PCDHGA8: variants seen among roughly 807,000 people sequenced by gnomAD.
PCDHGA8 encodes protocadherin gamma subfamily A, 8, also known as protocadherin gamma-A8.
In PCDHGA8, 45 loss-of-function variants were observed where a neutral mutation model predicts 59.2. The observed-to-expected ratio is 0.76, with a 90% CI of 0.60 to 0.98. The LOEUF (loss-of-function observed/expected upper bound fraction) is 0.98. PCDHGA8 is among the 50% of genes least tolerant of loss of function. The pLI is 0.00. For missense variants in PCDHGA8, 1,257 were observed against 1,196.2 expected (o/e 1.05, Z -0.75); for synonymous variants, 531 against 519.0 (o/e 1.02, Z -0.32).
At chr5:141,453,811 A>G (rs541081089) in intron 1 of PCDHGA8, among the ~76,000 whole-genome samples, 1 of 152,350 alleles carries the variant, frequency 6.6e-6, no homozygotes, top group Admixed American at 6.5e-5. Context: ...AGTTCCATAA[A>G]GGACAAACTT....
chr5:141,415,380 C>G (rs759710024), intron 1 of PCDHGA8: 1 of 1,614,250 alleles, frequency 6.2e-7, no homozygotes, highest in South Asian at 1.1e-5. Flanking sequence ...CAGGAGGCGG[C>G]TTGACAGGTG....
chr5:141,414,792 C>T (rs2095788725), intron 1 of PCDHGA8: 6 of 1,614,230 alleles, frequency 3.7e-6, no homozygotes, highest in African/African-American at 2.7e-5. Flanking sequence ...TGACAGCCAG[C>T]GACAGCGGGG....
intron 1 of PCDHGA8, among the ~76,000 whole-genome samples, chr5:141,437,034 C>T (rs1282216386): frequency 1.3e-5 from 2 of 152,194 alleles, no homozygotes. Context: ...AAATGGATCA[C>T]CGAAACCAGA....
chr5:141,441,737 C>CG, intron 1 of PCDHGA8: 1 of 365,242 alleles, frequency 2.7e-6, no homozygotes, highest in South Asian at 2.2e-5. Flanking sequence ...AGGACTAGCT[C>CG]GCGCTCGGCG....
intron 1 of PCDHGA8, among the ~76,000 whole-genome samples, chr5:141,444,152 ATTTTTTTTTTTTTTTT>A (rs747671382): frequency 6.3e-3 from 214 of 33,896 alleles, no homozygotes; most frequent in African/African-American, 0.023. Flanking sequence ...TGTGTACTGG[ATTTTTTTTTTTTTTTT>A]TTTTTTTTTT....
At position 141,430,761 on chromosome 5, in the gene PCDHGA8, T is replaced by C. The variant is rs769012885; in HGVS notation, c.2424+35524T>C. The C allele has an allele frequency of 2.0e-6, 3 of 1,506,132 alleles. No individual in the cohort carries two copies. The African/African-American group carries it at 4.2e-5, about 21-fold the overall frequency. The allele number at this position is 1,506,132 out of a possible 1,614,324, so 93.3% of individuals were successfully genotyped here. ...AAATAATTCTGGAGGAAGATAAGAATGATTCCTGCGCGACTGCACCGGGAC... is the reference window on the plus strand; with the variant it reads ...AAATAATTCTGGAGGAAGATAAGAACGATTCCTGCGCGACTGCACCGGGAC... On this transcript the variant is annotated intron_variant, in intron 1 of 3. Coordinates refer to ENST00000398604, the MANE Select transcript of PCDHGA8 (RefSeq NM_032088.2).
intron 1 of PCDHGA8, among the ~76,000 whole-genome samples, chr5:141,455,830 C>T (rs928219545): frequency 2.0e-5 from 3 of 151,170 alleles, no homozygotes; most frequent in African/African-American, 7.3e-5. Flanking sequence ...GACCCCTTTT[C>T]CTGTCTATCT....
intron 1 of PCDHGA8, chr5:141,414,180 A>T: frequency 6.2e-7 from 1 of 1,608,986 alleles, no homozygotes; most frequent in Non-Finnish European, 8.5e-7. Context: ...TTGCAACTGC[A>T]AAAGTGTTGA....
intron 3 of PCDHGA8, among the ~76,000 whole-genome samples, chr5:141,510,230 G>A (rs1285202719): frequency 2.7e-5 from 4 of 149,638 alleles, no homozygotes; most frequent in Non-Finnish European, 5.9e-5. Context: ...CCGGGATCGC[G>A]CCACTGCACT....
At chr5:141,402,124 A>G (rs150020541) in intron 1 of PCDHGA8, among the ~76,000 whole-genome samples, 1 of 152,254 alleles carries the variant, frequency 6.6e-6, no homozygotes, top group East Asian at 1.9e-4. Flanking sequence ...AAAATTTCCA[A>G]CTTTAATCCT....
At chr5:141,473,470 A>G (rs555568617) in intron 1 of PCDHGA8, among the ~76,000 whole-genome samples, 2 of 151,816 alleles carry the variant, frequency 1.3e-5, no homozygotes, top group South Asian at 4.2e-4. Flanking sequence ...AGTTGTGCCA[A>G]GTTCAATGGA....
At chr5:141,398,882 G>C in intron 1 of PCDHGA8, 1 of 1,613,930 alleles carries the variant, frequency 6.2e-7, no homozygotes, top group Non-Finnish European at 8.5e-7. Flanking sequence ...GTCAGCCTTC[G>C]GGAAAACGTG....
intron 1 of PCDHGA8, among the ~76,000 whole-genome samples, chr5:141,420,845 G>A (rs1038454602): frequency 6.6e-6 from 1 of 152,200 alleles, no homozygotes; most frequent in African/African-American, 2.4e-5. Flanking sequence ...GGTGTTCTTG[G>A]TAAAGTTTTA....
At position 141,394,800 on chromosome 5, in the gene PCDHGA8, G is replaced by A; in HGVS notation, c.1987G>A (p.Ala663Thr). ...CTCCGCCACTGTCACGCTCACCGTA[G>A]CCGTGGCTGACAGCATCCCCGAAGT... ...PLSATVTLTV[A>T]VADSIPEVLT... The change falls in exon 1 of 4, where the codon GCC (alanine) becomes ACC (threonine). Residue 663 changes from alanine to threonine, a missense_variant. Coordinates refer to ENST00000398604, the MANE Select transcript of PCDHGA8 (RefSeq NM_032088.2). 6.2e-7 allele frequency: 1 copy of A among 1,613,850 alleles called. No individual in the cohort carries two copies. Among genetic ancestry groups the A allele is most frequent in the East Asian group, 2.2e-5 (1 of 44,888 alleles).
At chr5:141,402,120 T>C (rs17097267) in intron 1 of PCDHGA8, among the ~76,000 whole-genome samples, 16,890 of 152,168 alleles carry the variant, frequency 0.11, 1,101 homozygotes, top group African/African-American at 0.17. Context: ...TGTGAAAATT[T>C]CCAACTTTAA....
At chr5:141,454,557 C>T (rs191373514) in intron 1 of PCDHGA8, among the ~76,000 whole-genome samples, 8 of 152,160 alleles carry the variant, frequency 5.3e-5, no homozygotes, top group Admixed American at 5.2e-4. Flanking sequence ...CAGGCATGTG[C>T]CACCACGCCC....
chr5:141,460,142 G>A (rs932507660), intron 1 of PCDHGA8, among the ~76,000 whole-genome samples: 5 of 151,950 alleles, frequency 3.3e-5, no homozygotes, highest in African/African-American at 1.2e-4. Flanking sequence ...TATTCTTGAT[G>A]TGAGCTCTTT....
At chr5:141,403,319 G>A (rs776881134) in intron 1 of PCDHGA8, 2 of 1,613,954 alleles carry the variant, frequency 1.2e-6, no homozygotes, top group East Asian at 2.2e-5. Flanking sequence ...AGAAATAGAA[G>A]TAACTGATAT....
chr5:141,432,014 A>G lies in PCDHGA8; in HGVS notation c.2424+36777A>G, dbSNP rs778393699. The G allele has an allele frequency of 1.5e-5, 25 of 1,614,078 alleles. No individual in the cohort carries two copies. The highest frequency in any genetic ancestry group is 2.0e-5 in the Non-Finnish European group (24 of 1,180,036). ...GGATAGGGAACAGGTTCCTAGCTAC[A>G]ACATCACAGTGACCGCCACTGACCG... On this transcript the variant is annotated intron_variant, in intron 1 of 3. Coordinates refer to ENST00000398604, the MANE Select transcript of PCDHGA8 (RefSeq NM_032088.2). This position sits in a 1 kb window ranked among gnomAD's most constrained non-coding sequence, Gnocchi z 6.0.
Sources: gnomAD v4.1 joint callset for allele counts (sites outside exome capture counted in the v4.1 genomes callset) on GRCh38, gnomAD v4.1.1 for gene constraint, Gnocchi (gnomAD v3.1) non-coding constraint, MANE v1.5 for transcripts, NCBI Gene and HGNC (gene_info 2026-07-23, HGNC 2026-07-21) for gene names.